Variants in TP53BP1 observed in about 807,000 individuals in gnomAD.
The protein encoded by TP53BP1 is tumor protein p53 binding protein 1.
TP53BP1 carries 61 observed loss-of-function variants against 200.8 expected under a neutral mutation model. The ratio of observed to expected loss-of-function variants is 0.30; its 90% CI spans 0.25 to 0.38. The LOEUF is 0.38. Among genes scored for constraint, TP53BP1 ranks in the 10% least tolerant of loss-of-function variants. TP53BP1 has a pLI of 1.00. For synonymous variants in TP53BP1, 822 were observed against 844.3 expected (o/e 0.97, Z 0.46); for missense variants, 2,144 against 2,371.9 (o/e 0.90, Z 2.00).
At chr15:43,481,380 A>G (rs1349846141) in intron 4 of TP53BP1, among the ~76,000 whole-genome samples, 2 of 152,132 alleles carry the variant, frequency 1.3e-5, no homozygotes, top group Non-Finnish European at 2.9e-5. Context: ...GAAGTATTTT[A>G]GTAAAAAATC....
At chr15:43,479,745 ATTAC>A (rs1302253867) in intron 6 of TP53BP1, 110 bp downstream of exon 6, 16 of 1,347,532 alleles carry the variant, frequency 1.2e-5, no homozygotes, top group Non-Finnish European at 1.6e-5. Flanking sequence ...ACCTTACTAA[ATTAC>A]TTAGATTATA....
In TP53BP1 at chr15:43,403,639, G is replaced by GTACC. The variant is rs778448332; in HGVS notation, c.*3740_*3743dup. On this transcript the variant is annotated 3_prime_UTR_variant, in exon 28 of 28. Transcript: ENST00000382044. ...CTCCTAACACTTTAACTTCATGGAT[G>GTACC]TACCTTCCTTCCTTTCCTAATGCCA... 2 of 1,386,958 alleles carry GTACC rather than the reference G, an allele frequency of 1.4e-6. No homozygotes were observed. The highest frequency in any genetic ancestry group is 2.0e-6 in the Non-Finnish European group (2 of 978,874). The allele number at this position is 1,386,958 out of a possible 1,614,324, so 85.9% of individuals were successfully genotyped here. A position where few individuals can be genotyped will look rare whatever the true frequency, so the allele number is the denominator to read the frequency against.
chr15:43,436,145 C>T (rs188354266), intron 16 of TP53BP1, among the ~76,000 whole-genome samples: 1 of 152,224 alleles, frequency 6.6e-6, no homozygotes, highest in Admixed American at 6.5e-5. Flanking sequence ...GGATGCACCA[C>T]CACACCTGGC....
intron 21 of TP53BP1, among the ~76,000 whole-genome samples, chr15:43,419,536 CTTTTTTTTTTTTTTT>C (rs34159488): frequency 5.4e-5 from 4 of 73,404 alleles, no homozygotes; most frequent in Admixed American, 3.1e-4. Flanking sequence ...ATTTATGTTC[CTTTTTTTTTTTTTTT>C]TTTTTTTTTT....
rs552640215 is a variant in TP53BP1, at chr15:43,485,758, G to A, written c.372-4736C>T. ...CTCAGGAGGCTGAGGGACAAGGATC[G>A]CTTGAACTCAGGAGGTGGAAGTTGC... On this transcript the variant is annotated intron_variant, in intron 4 of 27. Coordinates refer to ENST00000382044, the MANE Select transcript of TP53BP1 (RefSeq NM_001141980.3). Among the ~76,000 whole-genome samples the A allele has an allele frequency of 4.0e-4, 60 of 149,982 alleles. No homozygotes were observed. In the South Asian group the frequency reaches 0.011, roughly 28 times the overall value.
chr15:43,430,739 A>G (rs2045649911), intron 17 of TP53BP1, among the ~76,000 whole-genome samples: 1 of 152,348 alleles, frequency 6.6e-6, no homozygotes, highest in South Asian at 2.1e-4. Flanking sequence ...TCCTATACAT[A>G]CAGACCTATA....
intron 18 of TP53BP1, 67 bp from the exon 19 acceptor site, chr15:43,422,193 G>A: frequency 6.5e-7 from 1 of 1,529,496 alleles, no homozygotes; most frequent in Admixed American, 2.0e-5. Context: ...TATGATGGTT[G>A]GAAAATCCTA....
upstream of TP53BP1, chr15:43,510,634 A>C (rs1049299758): frequency 1.8e-5 from 5 of 274,966 alleles, no homozygotes; most frequent in Non-Finnish European, 3.4e-5. Flanking sequence ...GAGGCTGCGG[A>C]ATTGCCAGAC....
At chr15:43,502,549 G>C (rs1215273088) in intron 1 of TP53BP1, among the ~76,000 whole-genome samples, 1 of 151,598 alleles carries the variant, frequency 6.6e-6, no homozygotes, top group Non-Finnish European at 1.5e-5. Flanking sequence ...CCGCCTCCCG[G>C]GTTCACACCA....
rs1341942710 is a variant in TP53BP1 at position 43,477,754 on chromosome 15, T to C, written c.794A>G (p.Glu265Gly). Residue 265 changes from glutamate (E) to glycine (G), a missense_variant, in exon 8 of 28, where the codon GAG becomes GGG. Around this residue, in one of 4 missense-constraint regions of TP53BP1, gnomAD observed 1,700 missense variants for 1,710.3 expected, o/e 0.99. Coordinates refer to ENST00000382044, the MANE Select transcript of TP53BP1 (RefSeq NM_001141980.3). ...KEQNPPPARS[E>G]DMPFSPKASV... is the part of the protein sequence containing the mutation. ...TGCTTTGGGGCTAAAAGGCATGTCC[T>C]CTGACCTAGGAAATTCATATCACCA... 6.3e-7 allele frequency: 1 copy of C among 1,576,728 alleles called. No homozygotes were observed. Among genetic ancestry groups the C allele is most frequent in the Non-Finnish European group, 8.6e-7 (1 of 1,164,880 alleles).
At chr15:43,508,128 G>A (rs1207059130) in intron 1 of TP53BP1, among the ~76,000 whole-genome samples, 5 of 152,270 alleles carry the variant, frequency 3.3e-5, no homozygotes, top group South Asian at 2.1e-4. Context: ...TTGGGAGGCC[G>A]AGGTAGGTGG....
At chr15:43,437,893 C>T (rs1301151826) in intron 16 of TP53BP1, among the ~76,000 whole-genome samples, 10 of 152,202 alleles carry the variant, frequency 6.6e-5, no homozygotes, top group Admixed American at 1.3e-4. Flanking sequence ...CAGGATTTGG[C>T]TCATGGTTCT....
At chr15:43,437,515 C>T (rs771791792) in intron 16 of TP53BP1, among the ~76,000 whole-genome samples, 1 of 151,750 alleles carries the variant, frequency 6.6e-6, no homozygotes, top group East Asian at 2.0e-4. Flanking sequence ...GCTTGTGGTC[C>T]TAGCTACTTG....
chr15:43,498,776 G>A (rs1328563431), intron 1 of TP53BP1, among the ~76,000 whole-genome samples: 1 of 152,086 alleles, frequency 6.6e-6, no homozygotes, highest in East Asian at 1.9e-4. Flanking sequence ...TCCTGATCTT[G>A]ATAATTATAC....
Position 43,404,649 on chromosome 15 carries a change from C to T in TP53BP1, c.*2734G>A. 7.6e-7 allele frequency: 1 copy of T among 1,319,844 alleles called. No individual in the cohort carries two copies. Among genetic ancestry groups the T allele is most frequent in the Non-Finnish European group, 1.1e-6 (1 of 951,206 alleles). The allele number at this position is 1,319,844 out of a possible 1,614,324, so 81.8% of individuals were successfully genotyped here. ...CTGGAAGAAGACTTTAGTCCAAATA[C>T]CCTCATTTTATAAGTAAGGCTTAGA... On this transcript the variant is annotated 3_prime_UTR_variant, in exon 28 of 28. Transcript: ENST00000382044.
chr15:43,471,432 CTT>C (rs879750087), intron 10 of TP53BP1, among the ~76,000 whole-genome samples: 1 of 144,828 alleles, frequency 6.9e-6, no homozygotes. Context: ...AGGGAGAAAG[CTT>C]TTTTTTTTTT....
intron 10 of TP53BP1, among the ~76,000 whole-genome samples, chr15:43,472,401 G>C (rs34002293): frequency 2.0e-5 from 3 of 152,040 alleles, no homozygotes; most frequent in East Asian, 1.9e-4. Context: ...TGTAGAAATC[G>C]TAAGAACTTA....
intron 11 of TP53BP1, among the ~76,000 whole-genome samples, chr15:43,458,077 C>A (rs1320158083): frequency 6.6e-6 from 1 of 151,968 alleles, no homozygotes; most frequent in East Asian, 1.9e-4. Flanking sequence ...TACAAAATAT[C>A]AATAGTCAAC....
chr15:43,432,465 T>C lies in TP53BP1; in HGVS notation c.3404A>G (p.Glu1135Gly), dbSNP rs377441407. The change falls in exon 17 of 28, where the codon GAA (glutamate) becomes GGA (glycine). Residue 1135 changes from glutamate to glycine, a missense_variant. Around this residue, in one of 4 missense-constraint regions of TP53BP1, gnomAD observed 1,700 missense variants for 1,710.3 expected, o/e 0.99. Transcript: ENST00000382044. Reference protein sequence around the residue: ...MVTDVLEDQKEGRSTNKENPS... With the variant: ...MVTDVLEDQKGGRSTNKENPS... Reference sequence around the variant, plus strand: ...ATTTTCCTTATTAGTACTCCGTCCTTCTTTCTGGTCTTCTAGCACATCTGT... The same window carrying C: ...ATTTTCCTTATTAGTACTCCGTCCTCCTTTCTGGTCTTCTAGCACATCTGT... 70 of 1,614,070 alleles carry C rather than the reference T, an allele frequency of 4.3e-5. No individual in the cohort carries two copies. The highest frequency in any genetic ancestry group is 5.7e-5 in the Non-Finnish European group (67 of 1,180,032).
Sources: gnomAD v4.1 joint callset for allele counts (sites outside exome capture counted in the v4.1 genomes callset) on GRCh38, gnomAD v4.1.1 for gene constraint, gnomAD v4.1.1 regional missense constraint, MANE v1.5 for transcripts, NCBI Gene and HGNC (gene_info 2026-07-23, HGNC 2026-07-21) for gene names.